The following PKIB variants were observed in gnomAD, a reference collection of about 807,000 sequenced individuals.
The protein encoded by PKIB is cAMP-dependent protein kinase inhibitor beta, also known as PKI-beta.
In PKIB, 2 loss-of-function variants were observed where a neutral mutation model predicts 4.5. The ratio of observed to expected loss-of-function variants is 0.44; its 90% CI spans 0.18 to 1.39. The LOEUF is 1.39. PKIB is among the 40% of genes most tolerant of loss of function. The pLI is 0.27. For missense variants in PKIB, 94 were observed against 92.6 expected, an observed-to-expected ratio of 1.02 and a Z score of -0.06; for synonymous variants, 38 against 36.0, an observed-to-expected ratio of 1.06 and a Z score of -0.20.
intron 2 of PKIB, among the ~76,000 whole-genome samples, chr6:122,562,399 G>A (rs777703419): frequency 7.9e-5 from 12 of 151,948 alleles, no homozygotes; most frequent in South Asian, 2.1e-4. Flanking sequence ...TTTTTCCTTC[G>A]TCTTAACTTT....
At chr6:122,571,268 C>T (rs988082091) in intron 2 of PKIB, among the ~76,000 whole-genome samples, 1 of 151,994 alleles carries the variant, frequency 6.6e-6, no homozygotes, top group African/African-American at 2.4e-5. Flanking sequence ...AATGGCCAAA[C>T]CTAAGAATAA....
chr6:122,529,699 G>C (rs1777198532), intron 2 of PKIB, among the ~76,000 whole-genome samples: 1 of 152,018 alleles, frequency 6.6e-6, no homozygotes, highest in Admixed American at 6.6e-5. Context: ...GTTTTTGCTG[G>C]ATACAGTATT....
At chr6:122,715,240 CTT>C (rs1779436943) in intron 3 of PKIB, among the ~76,000 whole-genome samples, 2 of 151,798 alleles carry the variant, frequency 1.3e-5, no homozygotes, top group African/African-American at 4.8e-5. Context: ...GATCGCATAT[CTT>C]AACATTTTAA....
chr6:122,602,248 A>C (rs1188791916), intron 3 of PKIB, among the ~76,000 whole-genome samples: 1 of 152,192 alleles, frequency 6.6e-6, no homozygotes. Flanking sequence ...AGTGTTTCAC[A>C]AGAAGCTACT....
intron 2 of PKIB, among the ~76,000 whole-genome samples, chr6:122,519,141 G>T (rs1776857478): frequency 6.6e-6 from 1 of 152,108 alleles, no homozygotes; most frequent in Non-Finnish European, 1.5e-5. Context: ...AAGCGTTACT[G>T]CCTGAGCTCT....
chr6:122,648,456 C>T (rs1451695023), intron 2 of PKIB, among the ~76,000 whole-genome samples: 1 of 152,194 alleles, frequency 6.6e-6, no homozygotes, highest in Non-Finnish European at 1.5e-5. Context: ...CTGCCACCTA[C>T]TAGGCACTAT....
intron 2 of PKIB, among the ~76,000 whole-genome samples, chr6:122,487,558 G>A (rs376122675): frequency 1.4e-4 from 21 of 152,240 alleles, no homozygotes; most frequent in African/African-American, 4.1e-4. Context: ...GCTAACTAGC[G>A]CTTCTACCAT....
At position 122,476,573 on chromosome 6, in the gene PKIB, T is replaced by C. The variant is rs532493825; in HGVS notation, c.-336-1278T>C. 2.4e-3 allele frequency among the ~76,000 whole-genome samples: 371 copies of C among 152,294 alleles called. 1 individual carries two copies. Among genetic ancestry groups the C allele is most frequent in the Middle Eastern group, 0.01 (3 of 294 alleles). On this transcript the variant is annotated intron_variant, in intron 1 of 6. Transcript: ENST00000392491. Reference sequence around the variant, plus strand: ...TATAATTCCATAACAAGCAGATATGTTTATACCAGTGAAATAGATGTCTAC... The same window carrying C: ...TATAATTCCATAACAAGCAGATATGCTTATACCAGTGAAATAGATGTCTAC...
chr6:122,716,013 T>C (rs1779477554), intron 3 of PKIB, among the ~76,000 whole-genome samples: 1 of 152,114 alleles, frequency 6.6e-6, no homozygotes, highest in Non-Finnish European at 1.5e-5. Context: ...ACTAATGTAA[T>C]ATAAAAATGT....
At chr6:122,672,201 G>C (rs1423037018) in intron 2 of PKIB, among the ~76,000 whole-genome samples, 1 of 152,120 alleles carries the variant, frequency 6.6e-6, no homozygotes, top group Non-Finnish European at 1.5e-5. Context: ...TTTTCCCTGA[G>C]AAGGAGGAGA....
chr6:122,549,830 A>T (rs573052462), intron 2 of PKIB, among the ~76,000 whole-genome samples: 12 of 147,980 alleles, frequency 8.1e-5, no homozygotes, highest in Non-Finnish European at 1.6e-4. Flanking sequence ...TATATATATA[A>T]AATATATATG....
At chr6:122,721,871 G>C (rs1369520524) in intron 4 of PKIB, among the ~76,000 whole-genome samples, 1 of 151,842 alleles carries the variant, frequency 6.6e-6, no homozygotes, top group East Asian at 1.9e-4. Context: ...AACCAAGCCA[G>C]ATAATCTAGA....
At chr6:122,705,495 A>T (rs1779017860) in intron 3 of PKIB, among the ~76,000 whole-genome samples, 1 of 151,790 alleles carries the variant, frequency 6.6e-6, no homozygotes, top group African/African-American at 2.4e-5. Flanking sequence ...GATTTGATTT[A>T]AAAACTTCAC....
chr6:122,533,153 T>G (rs1777308593), intron 2 of PKIB, among the ~76,000 whole-genome samples: 1 of 92,824 alleles, frequency 1.1e-5, no homozygotes. Context: ...ACTTTTTATT[T>G]ATTTATTTAT....
intron 2 of PKIB, among the ~76,000 whole-genome samples, chr6:122,640,736 T>C (rs1376055813): frequency 3.3e-5 from 5 of 152,218 alleles, no homozygotes; most frequent in African/African-American, 1.2e-4. Context: ...CAATTAGTGA[T>C]TGCCGGTAAG....
intron 4 of PKIB, among the ~76,000 whole-genome samples, chr6:122,720,873 T>G (rs1779712903): frequency 6.6e-6 from 1 of 152,092 alleles, no homozygotes; most frequent in Non-Finnish European, 1.5e-5. Context: ...TGCTAATATT[T>G]GTATTTTTAG....
chr6:122,541,137 A>G lies in PKIB; in HGVS notation c.-247-44784A>G, dbSNP rs561404840. 1.7e-4 allele frequency among the ~76,000 whole-genome samples: 26 copies of G among 151,390 alleles called. No individual in the cohort carries two copies. In the South Asian group the frequency reaches 3.1e-3, roughly 18 times the overall value. On this transcript the variant is annotated intron_variant, in intron 2 of 6. Transcript: ENST00000392491. Reference sequence around the variant, plus strand: ...CTGATGGGTCTTGACTCTTTATCCAATTTGCCAGTCTGTGTCTTTTAATTG... The same window carrying G: ...CTGATGGGTCTTGACTCTTTATCCAGTTTGCCAGTCTGTGTCTTTTAATTG...
intron 2 of PKIB, among the ~76,000 whole-genome samples, chr6:122,664,059 A>G (rs115177054): frequency 1.6e-3 from 237 of 152,348 alleles, no homozygotes; most frequent in African/African-American, 5.2e-3. Flanking sequence ...GGTCTCTACA[A>G]GATGATGTTA....
At chr6:122,650,457 T>A (rs1776506816) in intron 2 of PKIB, among the ~76,000 whole-genome samples, 1 of 152,220 alleles carries the variant, frequency 6.6e-6, no homozygotes, top group African/African-American at 2.4e-5. Flanking sequence ...GATTAAGAAT[T>A]TAGTAGATTA....
Sources: allele counts gnomAD v4.1 joint callset (sites outside exome capture counted in the v4.1 genomes callset), GRCh38; gene constraint gnomAD v4.1.1; transcripts MANE v1.5; gene names NCBI Gene and HGNC (gene_info 2026-07-23, HGNC 2026-07-21).